EIF4ENIF1: variants seen among roughly 807,000 people sequenced by gnomAD.
EIF4ENIF1 encodes eukaryotic translation initiation factor 4E transporter.
EIF4ENIF1 carries 23 observed loss-of-function variants against 110.5 expected under a neutral mutation model. The ratio of observed to expected loss-of-function variants is 0.21; its 90% CI spans 0.15 to 0.29. EIF4ENIF1 has a LOEUF of 0.29. Among genes scored for constraint, EIF4ENIF1 ranks in the 10% least tolerant of loss-of-function variants. The pLI is 1.00. For missense variants in EIF4ENIF1, 1,031 were observed against 1,221.1 expected, an observed-to-expected ratio of 0.84 and a Z score of 2.32; for synonymous variants, 440 against 437.0, an observed-to-expected ratio of 1.01 and a Z score of -0.09.
chr22:31,459,212 G>T (rs1601596945), intron 6 of EIF4ENIF1, among the ~76,000 whole-genome samples: 1 of 151,974 alleles, frequency 6.6e-6, no homozygotes, highest in African/African-American at 2.4e-5. Context: ...ACAGTAGTGA[G>T]CCACTGTGTC....
chr22:31,456,768 C>G (rs183725411), intron 7 of EIF4ENIF1, among the ~76,000 whole-genome samples: 153 of 152,236 alleles, frequency 1.0e-3, no homozygotes, highest in African/African-American at 3.4e-3. Flanking sequence ...GATCCACCTG[C>G]CTTGGCCTCC....
At chr22:31,476,301 C>A (rs749396136) in intron 2 of EIF4ENIF1, among the ~76,000 whole-genome samples, 1 of 152,076 alleles carries the variant, frequency 6.6e-6, no homozygotes, top group Non-Finnish European at 1.5e-5. Flanking sequence ...ACTTTTAACT[C>A]CAAAGGTAAC....
intron 7 of EIF4ENIF1, among the ~76,000 whole-genome samples, chr22:31,457,443 C>A (rs2050864648): frequency 6.6e-6 from 1 of 152,154 alleles, no homozygotes; most frequent in Admixed American, 6.6e-5. Context: ...CAAGATAGAG[C>A]AAACATCTAT....
chr22:31,460,814 T>C (rs868416104), intron 6 of EIF4ENIF1, among the ~76,000 whole-genome samples: 23 of 151,686 alleles, frequency 1.5e-4, no homozygotes, highest in African/African-American at 5.1e-4. Context: ...GGCGTGGTGG[T>C]GGGCGCCTGT....
upstream of EIF4ENIF1, among the ~76,000 whole-genome samples, chr22:31,490,092 C>T (rs1326644272): frequency 6.6e-6 from 1 of 152,190 alleles, no homozygotes; most frequent in Non-Finnish European, 1.5e-5. Context: ...CCCGTGCGCG[C>T]AGGCGGTCGC....
intron 3 of EIF4ENIF1, 129 bp from the exon 4 acceptor site, chr22:31,468,431 G>A (rs1421648294): frequency 4.5e-6 from 6 of 1,335,346 alleles, no homozygotes; most frequent in Non-Finnish European, 4.1e-6. Context: ...GTCTCGCTCT[G>A]TCGCCCAGGA....
At chr22:31,440,222 A>AT in intron 18 of EIF4ENIF1, 101 bp from the exon 19 acceptor site, 3 of 1,550,366 alleles carry the variant, frequency 1.9e-6, no homozygotes, top group East Asian at 2.3e-5. Flanking sequence ...TTACTAGAGG[A>AT]TTTTTTCTAG....
At chr22:31,474,230 T>G (rs938056360) in intron 2 of EIF4ENIF1, among the ~76,000 whole-genome samples, 4 of 152,034 alleles carry the variant, frequency 2.6e-5, no homozygotes, top group African/African-American at 9.7e-5. Flanking sequence ...GCTAATTTTT[T>G]TTGTATTTTT....
chr22:31,455,105 A>G (rs770493746), intron 9 of EIF4ENIF1, 31 bp downstream of exon 9: 4 of 1,559,460 alleles, frequency 2.6e-6, no homozygotes, highest in South Asian at 2.5e-5. Context: ...ACCTTTTCAG[A>G]TATCTAAAAC....
At chr22:31,488,900 G>A in intron 1 of EIF4ENIF1, 155 bp from the exon 2 acceptor site, 1 of 805,060 alleles carries the variant, frequency 1.2e-6, no homozygotes, top group Non-Finnish European at 1.9e-6. Flanking sequence ...TTAGAACTTG[G>A]AGATAGAATC....
Position 31,463,775 on chromosome 22 carries a change from C to T in EIF4ENIF1, c.491G>A (p.Arg164Gln), listed in dbSNP as rs373416028. 16 of 1,613,872 alleles carry T rather than the reference C, an allele frequency of 9.9e-6. No homozygotes were observed. The highest frequency in any genetic ancestry group is 2.2e-5 in the South Asian group (2 of 91,066). The change falls in exon 5 of 19, where the codon CGG (arginine) becomes CAG (glutamine). Residue 164 changes from arginine (R) to glutamine (Q), a missense_variant. By Grantham distance (43) the Arg-to-Gln change is conservative (BLOSUM62 1). Transcript: ENST00000330125. The stretch of plus-strand genomic sequence containing the variant: ...AAGACGGTGATCCTTCTCAAAGGTC[C>T]GGGCAGAGATTATCCTCCCACTGCC... ...RIGSGRIISA[R>Q]TFEKDHRLSD...
At chr22:31,465,959 T>C (rs1337487109) in intron 4 of EIF4ENIF1, among the ~76,000 whole-genome samples, 1 of 152,174 alleles carries the variant, frequency 6.6e-6, no homozygotes, top group African/African-American at 2.4e-5. Flanking sequence ...TAAACTAATC[T>C]ATAGAAACAG....
chr22:31,487,906 G>C (rs560762997), intron 2 of EIF4ENIF1, among the ~76,000 whole-genome samples: 1 of 151,538 alleles, frequency 6.6e-6, no homozygotes, highest in Non-Finnish European at 1.5e-5. Context: ...CAACACTGTT[G>C]AGCAAGTTTT....
At chr22:31,453,518 G>C (rs1330658641) in intron 10 of EIF4ENIF1, 1 of 217,946 alleles carries the variant, frequency 4.6e-6, no homozygotes, top group Non-Finnish European at 9.5e-6. Flanking sequence ...GAGATTACAG[G>C]CGCATGCCCC....
At chr22:31,476,980 CAAAAA>C (rs574308270) in intron 2 of EIF4ENIF1, among the ~76,000 whole-genome samples, 2 of 51,102 alleles carry the variant, frequency 3.9e-5, no homozygotes. Flanking sequence ...GACCCTGTCT[CAAAAA>C]AAAAAAAAAA....
At chr22:31,437,040 T>C (rs1240022596), downstream of EIF4ENIF1, 3 of 152,214 alleles carry the variant, frequency 2.0e-5, no homozygotes, top group Non-Finnish European at 4.4e-5. Flanking sequence ...TCCCTGTTAA[T>C]AGAGTCTGGC....
At chr22:31,448,307 A>C (rs738658) in intron 12 of EIF4ENIF1, 75 bp from the exon 13 acceptor site, 1,161,449 of 1,370,184 alleles carry the variant, frequency 0.85, 493,971 homozygotes, top group East Asian at 0.97. Flanking sequence ...TTAATGCATG[A>C]CATTTCTTGC....
At chr22:31,493,064 C>T (rs922145461), upstream of EIF4ENIF1, among the ~76,000 whole-genome samples, 3 of 151,762 alleles carry the variant, frequency 2.0e-5, no homozygotes, top group Admixed American at 6.6e-5. Flanking sequence ...GACGGAGTCT[C>T]GCTCTGTCGT....
chr22:31,443,098 C>T lies in EIF4ENIF1; in HGVS notation c.2074-4G>A, dbSNP rs1446620357. On this transcript the variant is annotated splice_polypyrimidine_tract_variant and splice_region_variant and intron_variant, in intron 15 of 18. Transcript: ENST00000330125. ...TAGGGGTAAAGGAAGGAGAAAGCTG[C>T]AGAGAAAAACAATTGGCATTAGCAC... 18 of 1,613,168 alleles carry T rather than the reference C, an allele frequency of 1.1e-5. No homozygotes were observed. The highest frequency in any genetic ancestry group is 3.3e-5 in the Admixed American group (2 of 59,824).
Sources: allele counts gnomAD v4.1 joint callset (sites outside exome capture counted in the v4.1 genomes callset), GRCh38; gene constraint gnomAD v4.1.1; transcripts MANE v1.5; gene names NCBI Gene and HGNC (gene_info 2026-07-23, HGNC 2026-07-21).